Variants in TENM3 observed in about 807,000 individuals in gnomAD.
The protein encoded by TENM3 is teneurin-3.
A neutral mutation model predicts 255.1 loss-of-function variants in TENM3; 63 were observed. The ratio of observed to expected loss-of-function variants is 0.25; its 90% CI spans 0.20 to 0.30. The LOEUF is 0.30. Among genes scored for constraint, TENM3 ranks in the 10% least tolerant of loss-of-function variants. The probability of loss-of-function intolerance (pLI) is 1.00; values close to 1 mark genes in which losing one functional copy is unlikely to be tolerated. For missense variants in TENM3, 2,929 were observed against 3,461.1 expected, an observed-to-expected ratio of 0.85 and a Z score of 3.86; for synonymous variants, 1,306 against 1,322.3, an observed-to-expected ratio of 0.99 and a Z score of 0.27.
intron 5 of TENM3, among the ~76,000 whole-genome samples, chr4:182,646,173 A>G (rs1249140702): frequency 6.6e-6 from 1 of 152,146 alleles, no homozygotes; most frequent in Non-Finnish European, 1.5e-5. Context: ...TTTTGCCCAC[A>G]TTTCTTTATC....
intron 22 of TENM3, among the ~76,000 whole-genome samples, chr4:182,769,699 G>A (rs866791791): frequency 2.6e-5 from 4 of 152,038 alleles, no homozygotes; most frequent in East Asian, 1.9e-4. Flanking sequence ...CAGGAGAATC[G>A]CTTGAACTTG....
chr4:181,670,275 C>G, the TENM3 span, among the ~76,000 whole-genome samples: 1 of 152,042 alleles, frequency 6.6e-6, no homozygotes. Context: ...TAAAAGGGTC[C>G]GTCCCTTAGT....
chr4:182,707,264 A>T (rs1218793851), intron 12 of TENM3, among the ~76,000 whole-genome samples: 1 of 152,162 alleles, frequency 6.6e-6, no homozygotes, highest in Non-Finnish European at 1.5e-5. Context: ...GAAGAGATGG[A>T]GGGGCGCCCA....
At chr4:181,615,905 T>C in the TENM3 span, among the ~76,000 whole-genome samples, 3 of 152,134 alleles carry the variant, frequency 2.0e-5, no homozygotes, top group Non-Finnish European at 4.4e-5. Context: ...AAGAAAGAAG[T>C]TTACTGTGAG....
At chr4:182,616,187 G>A (rs573126769) in intron 4 of TENM3, among the ~76,000 whole-genome samples, 17 of 152,214 alleles carry the variant, frequency 1.1e-4, no homozygotes, top group East Asian at 1.9e-4. Context: ...TACCAAAACC[G>A]GCGCTTCCTT....
At chr4:181,624,382 A>G in the TENM3 span, among the ~76,000 whole-genome samples, 1 of 152,226 alleles carries the variant, frequency 6.6e-6, no homozygotes, top group African/African-American at 2.4e-5. Context: ...CCATGGCCAC[A>G]TCTACCCTTA....
At chr4:182,539,976 G>A (rs535252757) in intron 3 of TENM3, among the ~76,000 whole-genome samples, 5 of 152,274 alleles carry the variant, frequency 3.3e-5, no homozygotes, top group South Asian at 2.1e-4. Context: ...TATCCCCAGC[G>A]TCTGGAACAC....
At chr4:181,700,826 G>T in the TENM3 span, among the ~76,000 whole-genome samples, 1 of 152,270 alleles carries the variant, frequency 6.6e-6, no homozygotes, top group South Asian at 2.1e-4. Flanking sequence ...TGGGGCGGAG[G>T]AACATTTCTG....
rs1244664917 is a variant in TENM3 at position 182,792,339 on chromosome 4, G to C, written c.5667G>C (p.Leu1889=). ...TCGAATACGATATGTGGGACCGCCTGTCTGCCATCACCATGCCCAGTGTGG... is the reference window on the plus strand; with the variant it reads ...TCGAATACGATATGTGGGACCGCCTCTCTGCCATCACCATGCCCAGTGTGG... ...YIFEYDMWDR[L]SAITMPSVAR... The change falls in exon 26 of 28, where the codon CTG becomes CTC. Residue 1889 remains leucine (L), a synonymous_variant. Coordinates refer to ENST00000511685, the MANE Select transcript of TENM3 (RefSeq NM_001080477.4). The surrounding 1 kb of genome is among the most constrained non-coding windows in gnomAD (Gnocchi z 6.3). 6.2e-7 allele frequency: 1 copy of C among 1,614,010 alleles called. No individual in the cohort carries two copies. Among genetic ancestry groups the C allele is most frequent in the South Asian group, 1.1e-5 (1 of 91,090 alleles).
At chr4:181,594,149 G>A in the TENM3 span, among the ~76,000 whole-genome samples, 229 of 152,172 alleles carry the variant, frequency 1.5e-3, 1 homozygote, top group African/African-American at 5.0e-3. Flanking sequence ...AACATGTAAC[G>A]ATTTAAAACT....
the TENM3 span, among the ~76,000 whole-genome samples, chr4:181,968,055 G>A: frequency 6.6e-6 from 1 of 152,132 alleles, no homozygotes; most frequent in East Asian, 1.9e-4. Flanking sequence ...CTTGCTGAAC[G>A]CTGACAGACT....
the TENM3 span, among the ~76,000 whole-genome samples, chr4:182,009,484 G>A: frequency 7.1e-3 from 1,085 of 152,270 alleles, 13 homozygotes; most frequent in African/African-American, 0.024. Flanking sequence ...GTCAGGGTTA[G>A]ACCTGAAGAT....
the TENM3 span, among the ~76,000 whole-genome samples, chr4:182,137,823 A>G: frequency 6.6e-6 from 1 of 152,210 alleles, no homozygotes; most frequent in Admixed American, 6.5e-5. Flanking sequence ...AACATCCATA[A>G]CTTAGTACTA....
intron 3 of TENM3, among the ~76,000 whole-genome samples, chr4:182,525,017 G>A (rs1364448235): frequency 2.6e-5 from 4 of 152,036 alleles, no homozygotes. Flanking sequence ...GCGACAGAGT[G>A]AGACCCTGTC....
At chr4:181,896,795 C>T in the TENM3 span, among the ~76,000 whole-genome samples, 3 of 152,160 alleles carry the variant, frequency 2.0e-5, no homozygotes, top group Non-Finnish European at 4.4e-5. Flanking sequence ...CAGCCTCTGC[C>T]CAGATGCTCC....
At chr4:181,722,613 G>C in the TENM3 span, among the ~76,000 whole-genome samples, 2 of 152,026 alleles carry the variant, frequency 1.3e-5, no homozygotes, top group Non-Finnish European at 2.9e-5. Flanking sequence ...CTTCTAGTAG[G>C]AAACATGGAA....
Position 182,445,617 on chromosome 4 carries a change from T to A in TENM3, c.511+98688T>A, listed in dbSNP as rs186963651. Among the ~76,000 whole-genome samples, 275 of 152,224 alleles carry A rather than the reference T, an allele frequency of 1.8e-3. 2 individuals are homozygous for A. The highest frequency in any genetic ancestry group is 5.8e-3 in the African/African-American group (243 of 41,568). On this transcript the variant is annotated intron_variant, in intron 3 of 27. Coordinates refer to ENST00000511685, the MANE Select transcript of TENM3 (RefSeq NM_001080477.4). ...GCTCATTTGTGGACTTTTTATTTTT[T>A]TTTTTAAATACAATTTGCTTTGATT...
At chr4:182,609,658 C>CGTCT (rs1474478876) in intron 4 of TENM3, among the ~76,000 whole-genome samples, 1 of 152,072 alleles carries the variant, frequency 6.6e-6, no homozygotes, top group African/African-American at 2.4e-5. Flanking sequence ...ATATTGCTAC[C>CGTCT]GTCTGGTCAT....
the TENM3 span, among the ~76,000 whole-genome samples, chr4:182,024,096 A>C: frequency 6.6e-6 from 1 of 151,532 alleles, no homozygotes; most frequent in East Asian, 1.9e-4. Context: ...TGAATGTAAA[A>C]ATATAGATTT....
Sources: allele counts gnomAD v4.1 joint callset (sites outside exome capture counted in the v4.1 genomes callset), GRCh38; gene constraint gnomAD v4.1.1; non-coding constraint Gnocchi (gnomAD v3.1); transcripts MANE v1.5; gene names NCBI Gene and HGNC (gene_info 2026-07-23, HGNC 2026-07-21).